SLC44A5: variants seen among roughly 807,000 people sequenced by gnomAD.
SLC44A5 encodes choline transporter-like protein 5.
A neutral mutation model predicts 101.8 loss-of-function variants in SLC44A5; 57 were observed. That is an observed-to-expected ratio of 0.56 (90% CI 0.45 to 0.70). The LOEUF (loss-of-function observed/expected upper bound fraction) is 0.70, where lower values mean the gene tolerates loss of function less well. SLC44A5 is among the 30% of genes least tolerant of loss of function. The pLI, the probability that SLC44A5 is intolerant of heterozygous loss-of-function variation, is 0.00. For synonymous variants in SLC44A5, 281 were observed against 290.9 expected (o/e 0.97, Z 0.35); for missense variants, 737 against 853.1 (o/e 0.86, Z 1.70).
Position 75,340,381 on chromosome 1 carries a change from T to C in SLC44A5, c.53-751A>G, listed in dbSNP as rs144470041. Among the ~76,000 whole-genome samples the C allele has an allele frequency of 3.0e-3, 456 of 152,258 alleles. 2 individuals are homozygous for C. The highest frequency in any genetic ancestry group is 6.2e-3 in the Admixed American group (95 of 15,284). On this transcript the variant is annotated intron_variant, in intron 3 of 23. Transcript: ENST00000370859. ...TGTGCATTTTGCAATCCCCGACTTC[T>C]TGACTCTTCCCCTACAACCTAAGCA... is the stretch of plus-strand genomic sequence containing the variant.
chr1:75,217,102 G>T (rs994474095), intron 18 of SLC44A5, among the ~76,000 whole-genome samples: 9 of 151,914 alleles, frequency 5.9e-5, no homozygotes, highest in Non-Finnish European at 8.8e-5. Context: ...TTAGGTCTTT[G>T]ATCCATTTTT....
At chr1:75,231,721 G>T (rs976610044) in intron 12 of SLC44A5, among the ~76,000 whole-genome samples, 2 of 152,132 alleles carry the variant, frequency 1.3e-5, no homozygotes, top group Non-Finnish European at 2.9e-5. Context: ...ATGAATTAAA[G>T]AAAACTGTAT....
intron 2 of SLC44A5, among the ~76,000 whole-genome samples, chr1:75,497,398 C>T (rs1237667005): frequency 6.6e-6 from 1 of 152,100 alleles, no homozygotes; most frequent in Non-Finnish European, 1.5e-5. Context: ...AAGAAAGTTA[C>T]TGCATAATCT....
chr1:75,452,402 T>C (rs1326429364), intron 2 of SLC44A5, among the ~76,000 whole-genome samples: 3 of 152,036 alleles, frequency 2.0e-5, no homozygotes, highest in Non-Finnish European at 2.9e-5. Flanking sequence ...TTAAGAGAGC[T>C]CTAAACATGG....
chr1:75,669,100 T>A, the SLC44A5 span, among the ~76,000 whole-genome samples: 1 of 151,716 alleles, frequency 6.6e-6, no homozygotes, highest in Non-Finnish European at 1.5e-5. Flanking sequence ...AAACTTCCTA[T>A]TCATTTGTCC....
chr1:75,670,777 G>A, the SLC44A5 span, among the ~76,000 whole-genome samples: 1 of 152,184 alleles, frequency 6.6e-6, no homozygotes, highest in South Asian at 2.1e-4. Flanking sequence ...GAGGGTTCTT[G>A]TGACTATACT....
At chr1:75,238,908 A>G (rs1427695920) in intron 9 of SLC44A5, among the ~76,000 whole-genome samples, 1 of 152,132 alleles carries the variant, frequency 6.6e-6, no homozygotes, top group Non-Finnish European at 1.5e-5. Flanking sequence ...TAAAATGTAC[A>G]TCACAGGTTT....
At chr1:75,282,951 G>A (rs998263320) in intron 5 of SLC44A5, among the ~76,000 whole-genome samples, 5 of 152,084 alleles carry the variant, frequency 3.3e-5, no homozygotes, top group Non-Finnish European at 5.9e-5. Flanking sequence ...TTTGCGAATC[G>A]GGTGACGGTA....
At chr1:75,229,630 G>A (rs375557255) in intron 12 of SLC44A5, among the ~76,000 whole-genome samples, 2 of 152,176 alleles carry the variant, frequency 1.3e-5, no homozygotes, top group African/African-American at 4.8e-5. Flanking sequence ...CCCTACCATG[G>A]CATTCTCAAT....
chr1:75,392,149 C>CA lies in SLC44A5; in HGVS notation c.52+4433dup, dbSNP rs531261926. On this transcript the variant is annotated intron_variant, in intron 3 of 23. Transcript: ENST00000370859. ...TGAGGGACAGAATGGGAACCTGTCT[C>CA]AAAAAAAAAAATTGACAAGTGGGAC... is the stretch of plus-strand genomic sequence containing the variant. Among the ~76,000 whole-genome samples the CA allele has an allele frequency of 8.4e-3, 1,206 of 144,118 alleles. 16 individuals are homozygous for CA. The highest frequency in any genetic ancestry group is 0.028 in the African/African-American group (1,103 of 39,414). 94.5% of individuals were successfully genotyped at this position (144,118 alleles called of 152,430 possible).
At chr1:75,493,850 T>G (rs1451576249) in intron 2 of SLC44A5, among the ~76,000 whole-genome samples, 1 of 152,074 alleles carries the variant, frequency 6.6e-6, no homozygotes, top group East Asian at 1.9e-4. Flanking sequence ...AGCTTGTTTA[T>G]AGACTCCTGT....
intron 2 of SLC44A5, 29 bp from the exon 3 acceptor site, chr1:75,396,650 AT>A (rs751502117): frequency 5.7e-6 from 9 of 1,589,240 alleles, no homozygotes; most frequent in East Asian, 2.2e-5. Flanking sequence ...GGCAAAAAAA[AT>A]ATTTGTAGGG....
At chr1:75,299,769 G>A (rs1195563424) in intron 5 of SLC44A5, among the ~76,000 whole-genome samples, 1 of 151,820 alleles carries the variant, frequency 6.6e-6, no homozygotes, top group African/African-American at 2.4e-5. Flanking sequence ...CCAGCACTTT[G>A]GGAGGCCGAG....
intron 2 of SLC44A5, among the ~76,000 whole-genome samples, chr1:75,526,656 ACC>A (rs754270191): frequency 6.6e-6 from 1 of 152,136 alleles, no homozygotes; most frequent in Admixed American, 6.5e-5. Context: ...CTAACAGGAA[ACC>A]CCTCTACTAC....
At chr1:75,572,517 C>T (rs554351630) in intron 1 of SLC44A5, among the ~76,000 whole-genome samples, 1 of 152,190 alleles carries the variant, frequency 6.6e-6, no homozygotes, top group African/African-American at 2.4e-5. Context: ...CGCACTGTGC[C>T]TAGCTCTGCA....
chr1:75,412,264 T>C (rs549286073), intron 2 of SLC44A5, among the ~76,000 whole-genome samples: 3 of 152,304 alleles, frequency 2.0e-5, no homozygotes, highest in African/African-American at 7.2e-5. Flanking sequence ...TCAAAAATTT[T>C]GTTGTTGAAT....
In SLC44A5 at chr1:75,218,530, G is replaced by C. The variant is rs779596124; in HGVS notation, c.1489C>G (p.Pro497Ala). 1.2e-6 allele frequency: 2 copies of C among 1,613,748 alleles called. No homozygotes were observed. Among genetic ancestry groups the C allele is most frequent in the East Asian group, 4.5e-5 (2 of 44,862 alleles). Residue 497 changes from proline to alanine, a missense_variant, in exon 17 of 24, where the codon CCA becomes GCA. Pro to Ala is a conservative substitution (Grantham distance 27). Around this residue, in one of 3 missense-constraint regions of SLC44A5, gnomAD observed 665 missense variants for 764.4 expected, o/e 0.87. Transcript: ENST00000370859. ...YWAMKKPDDI[P>A]RYPLFTAFGR... is the part of the protein sequence containing the mutation. The stretch of plus-strand genomic sequence containing the variant: ...AATGCAGTAAAAAGTGGATATCGTG[G>C]GATGTCATCAGGTTTTTTCATGGCC...
chr1:75,390,284 G>A (rs1033771091), intron 3 of SLC44A5, among the ~76,000 whole-genome samples: 22 of 151,736 alleles, frequency 1.4e-4, no homozygotes, highest in Admixed American at 3.3e-4. Context: ...TCAAGGAGAG[G>A]AGACTCCTCC....
At chr1:75,591,329 G>A (rs1028133252) in intron 1 of SLC44A5, among the ~76,000 whole-genome samples, 3 of 152,022 alleles carry the variant, frequency 2.0e-5, no homozygotes, top group African/African-American at 4.8e-5. Flanking sequence ...AATGGCACGC[G>A]TAAGTTCTTA....
Sources: allele counts gnomAD v4.1 joint callset (sites outside exome capture counted in the v4.1 genomes callset), GRCh38; gene constraint gnomAD v4.1.1; regional missense constraint gnomAD v4.1.1; transcripts MANE v1.5; gene names NCBI Gene and HGNC (gene_info 2026-07-23, HGNC 2026-07-21).